The following HIPK2 variants were observed in gnomAD, a reference collection of about 807,000 sequenced individuals.
HIPK2 encodes the protein homeodomain-interacting protein kinase 2.
HIPK2 carries 27 observed loss-of-function variants against 113.7 expected under a neutral mutation model. That is an observed-to-expected ratio of 0.24 (90% CI 0.17 to 0.33). HIPK2 has a LOEUF of 0.33. Among genes scored for constraint, HIPK2 ranks in the 10% least tolerant of loss-of-function variants. HIPK2 has a pLI of 1.00. For synonymous variants in HIPK2, 631 were observed against 642.2 expected, an observed-to-expected ratio of 0.98 and a Z score of 0.26; for missense variants, 1,257 against 1,588.0, an observed-to-expected ratio of 0.79 and a Z score of 3.54.
At chr7:139,733,695 T>C (rs1327869157) in intron 1 of HIPK2, among the ~76,000 whole-genome samples, 1 of 152,254 alleles carries the variant, frequency 6.6e-6, no homozygotes, top group Non-Finnish European at 1.5e-5. Context: ...TCCTAATACG[T>C]TGTCTTGCAC....
At chr7:139,698,630 A>T (rs1794626598) in intron 2 of HIPK2, among the ~76,000 whole-genome samples, 2 of 152,334 alleles carry the variant, frequency 1.3e-5, no homozygotes, top group Non-Finnish European at 2.9e-5. Context: ...ATGAAACAAA[A>T]ATCCTGAAAT....
In HIPK2 at chr7:139,583,975, T is replaced by G. The variant is rs753734410; in HGVS notation, c.2807A>C (p.Tyr936Ser). ...YSDSSSNTSP[Y>S]SVQQRAGHNN... ...GTGCCCAGCACGCTGCTGCACGGAGTAGGGGCTGGTGTTGCTGGAGGAGTC... is the reference window on the plus strand; with the variant it reads ...GTGCCCAGCACGCTGCTGCACGGAGGAGGGGCTGGTGTTGCTGGAGGAGTC... Residue 936 changes from tyrosine to serine, a missense_variant, in exon 13 of 15, where the codon TAC (tyrosine) becomes TCC (serine). Transcript: ENST00000406875. 2 of 1,613,710 alleles carry G rather than the reference T, an allele frequency of 1.2e-6. No homozygotes were observed. The highest frequency in any genetic ancestry group is 1.7e-6 in the Non-Finnish European group (2 of 1,179,840).
At chr7:139,674,490 C>T (rs560939734) in intron 2 of HIPK2, among the ~76,000 whole-genome samples, 9 of 152,230 alleles carry the variant, frequency 5.9e-5, no homozygotes, top group East Asian at 1.9e-4. Flanking sequence ...AGGTTTTAAA[C>T]GGAAGGCCTT....
intron 1 of HIPK2, among the ~76,000 whole-genome samples, chr7:139,744,001 C>T (rs1796149664): frequency 6.6e-6 from 1 of 152,138 alleles, no homozygotes; most frequent in Non-Finnish European, 1.5e-5. Context: ...AGAAGACATA[C>T]AAATGGTCAA....
In HIPK2 at chr7:139,631,577, G is replaced by GA; in HGVS notation, c.1227+24dup. The GA allele has an allele frequency of 6.2e-7, 1 of 1,607,166 alleles. No individual in the cohort carries two copies. The highest frequency in any genetic ancestry group is 1.1e-5 in the South Asian group (1 of 89,664). On this transcript the variant is annotated intron_variant, in intron 3 of 14. Transcript: ENST00000406875. The surrounding 1 kb of genome is among the most constrained non-coding windows in gnomAD (Gnocchi z 4.9). ...TTCCAGATGAAGAATGAGGTCTTGTGAATATCTGTGTCATCTGGACCCACC... is the reference window on the plus strand; with the variant it reads ...TTCCAGATGAAGAATGAGGTCTTGTGAAATATCTGTGTCATCTGGACCCACC...
chr7:139,674,567 G>A (rs1237238211), intron 2 of HIPK2, among the ~76,000 whole-genome samples: 2 of 152,140 alleles, frequency 1.3e-5, no homozygotes, highest in Non-Finnish European at 2.9e-5. Context: ...TGGGAAAGGC[G>A]AGAACAGATT....
chr7:139,572,892 T>TCTCCCTCCCTCC lies in HIPK2; in HGVS notation c.*23_*34dup, dbSNP rs754430570. The TCTCCCTCCCTCC allele has an allele frequency of 3.1e-6, 2 of 655,378 alleles. No homozygotes were observed. The highest frequency in any genetic ancestry group is 1.9e-5 in the African/African-American group (1 of 53,906). 40.6% of individuals were successfully genotyped at this position (655,378 alleles called of 1,614,324 possible). A position where few individuals can be genotyped will look rare whatever the true frequency, so the allele number is the denominator to read the frequency against. ...CTCTCCCTCCTCCCTCGGGCCATTC[T>TCTCCCTCCCTCC]CTCCCTCCCTCCCTCCCTCCCTCCC... is the stretch of plus-strand genomic sequence containing the variant. On this transcript the variant is annotated 3_prime_UTR_variant, in exon 15 of 15. Coordinates refer to ENST00000406875, the MANE Select transcript of HIPK2 (RefSeq NM_022740.5).
At chr7:139,686,678 G>C (rs942738593) in intron 2 of HIPK2, among the ~76,000 whole-genome samples, 2 of 152,204 alleles carry the variant, frequency 1.3e-5, no homozygotes, top group African/African-American at 4.8e-5. Flanking sequence ...GGGCTCCCCA[G>C]CCCTGTGAAA....
intron 2 of HIPK2, among the ~76,000 whole-genome samples, chr7:139,658,000 C>T: frequency 6.6e-6 from 1 of 152,132 alleles, no homozygotes; most frequent in Non-Finnish European, 1.5e-5. Flanking sequence ...GGTTGAGTCA[C>T]TTAAATGTTA....
intron 2 of HIPK2, among the ~76,000 whole-genome samples, chr7:139,656,885 T>C (rs574899237): frequency 1.3e-5 from 2 of 152,114 alleles, no homozygotes; most frequent in Non-Finnish European, 2.9e-5. Context: ...TTTTTTTTTT[T>C]CCTGAGATGG....
chr7:139,684,627 G>T (rs1794160966), intron 2 of HIPK2, among the ~76,000 whole-genome samples: 1 of 152,248 alleles, frequency 6.6e-6, no homozygotes, highest in East Asian at 1.9e-4. Context: ...GGATGCAGGA[G>T]AATCACTTGA....
At position 139,673,885 on chromosome 7, in the gene HIPK2, T is replaced by TAA. The variant is rs60905469; in HGVS notation, c.1103+42045_1103+42046dup. Among the ~76,000 whole-genome samples, 716 of 73,422 alleles carry TAA rather than the reference T, an allele frequency of 9.8e-3. 10 individuals carry two copies. The highest frequency in any genetic ancestry group is 0.014 in the Non-Finnish European group (567 of 39,558). The allele number at this position is 73,422 out of a possible 152,430, so 48.2% of individuals were successfully genotyped here. On this transcript the variant is annotated intron_variant, in intron 2 of 14. Transcript: ENST00000406875. ...CACCATGGTGAAACCCTATCTGTACTAAAAAAAAAAAAAAAAAAAAAAAAA... is the reference window on the plus strand; with the variant it reads ...CACCATGGTGAAACCCTATCTGTACTAAAAAAAAAAAAAAAAAAAAAAAAAAA...
intron 1 of HIPK2, among the ~76,000 whole-genome samples, chr7:139,721,794 A>T (rs911976190): frequency 6.6e-6 from 1 of 152,196 alleles, no homozygotes; most frequent in Non-Finnish European, 1.5e-5. Flanking sequence ...TTTCGAGCCC[A>T]TGGGGAGCAG....
chr7:139,670,853 T>G (rs1209176488), intron 2 of HIPK2, among the ~76,000 whole-genome samples: 8 of 142,914 alleles, frequency 5.6e-5, no homozygotes. Context: ...CCTCTCCGCC[T>G]TCCAGATTCA....
In HIPK2 at chr7:139,600,606, A is replaced by C; in HGVS notation, c.2256-10T>G. ...GTGAGCATGCGTATTTCTGAAAGGC[A>C]ACCGGGACAACAAGGTGCCTTAGAG... is the stretch of plus-strand genomic sequence containing the variant. On this transcript the variant is annotated splice_polypyrimidine_tract_variant and intron_variant, in intron 10 of 14. Transcript: ENST00000406875. 1 of 1,613,284 alleles carries C rather than the reference A, an allele frequency of 6.2e-7. No individual in the cohort carries two copies. The highest frequency in any genetic ancestry group is 8.5e-7 in the Non-Finnish European group (1 of 1,179,356).
intron 1 of HIPK2, among the ~76,000 whole-genome samples, chr7:139,747,284 C>T (rs1796205050): frequency 6.6e-6 from 1 of 152,166 alleles, no homozygotes; most frequent in African/African-American, 2.4e-5. Context: ...TGACAGGCAT[C>T]TGCAATCAAT....
intron 2 of HIPK2, among the ~76,000 whole-genome samples, chr7:139,661,264 C>A (rs762351576): frequency 2.0e-5 from 3 of 152,188 alleles, no homozygotes; most frequent in Admixed American, 6.5e-5. Flanking sequence ...CAATCCGACA[C>A]CCAATATAAG....
At chr7:139,722,916 T>G (rs1250338250) in intron 1 of HIPK2, among the ~76,000 whole-genome samples, 2 of 151,512 alleles carry the variant, frequency 1.3e-5, no homozygotes, top group African/African-American at 4.9e-5. Flanking sequence ...CAGGTTGGAG[T>G]GCAGTGGTGC....
In HIPK2 at chr7:139,631,026, A is replaced by T; in HGVS notation, c.1347+139T>A. ...GAGGGGCTTCTGAGCATTCAGATTC[A>T]GCCATACCATGTATTAACAACAGCA... On this transcript the variant is annotated intron_variant, in intron 4 of 14. Transcript: ENST00000406875. The surrounding 1 kb of genome is among the most constrained non-coding windows in gnomAD (Gnocchi z 4.9). 8.7e-7 allele frequency: 1 copy of T among 1,148,942 alleles called. No individual in the cohort carries two copies. The highest frequency in any genetic ancestry group is 1.2e-6 in the Non-Finnish European group (1 of 835,626). 71.2% of individuals were successfully genotyped at this position (1,148,942 alleles called of 1,614,324 possible).
Sources: allele counts gnomAD v4.1 joint callset (sites outside exome capture counted in the v4.1 genomes callset), GRCh38; gene constraint gnomAD v4.1.1; non-coding constraint Gnocchi (gnomAD v3.1); transcripts MANE v1.5; gene names NCBI Gene and HGNC (gene_info 2026-07-23, HGNC 2026-07-21).